The following NT5C2 variants were observed in gnomAD, a reference collection of about 807,000 sequenced individuals.
NT5C2 encodes the protein cytosolic purine 5'-nucleotidase.
NT5C2 carries 58 observed loss-of-function variants against 76.1 expected under a neutral mutation model. That is an observed-to-expected ratio of 0.76 (90% CI 0.62 to 0.95). The LOEUF is 0.95. Ranked by LOEUF, NT5C2 falls within the 40% of genes least tolerant of loss-of-function variation. NT5C2 has a pLI of 0.00. For synonymous variants in NT5C2, 229 were observed against 237.4 expected, an observed-to-expected ratio of 0.96 and a Z score of 0.32; for missense variants, 478 against 690.3, an observed-to-expected ratio of 0.69 and a Z score of 3.45.
chr10:103,140,208 C>A (rs540255676), intron 3 of NT5C2: 1 of 152,138 alleles, frequency 6.6e-6, no homozygotes, highest in Admixed American at 6.6e-5. Flanking sequence ...CATGATCCAC[C>A]GCGCCTGGCC....
intron 3 of NT5C2, among the ~76,000 whole-genome samples, chr10:103,165,533 C>T (rs1044085455): frequency 9.3e-5 from 14 of 150,534 alleles, no homozygotes; most frequent in Non-Finnish European, 1.8e-4. Flanking sequence ...GCCTCAGCCT[C>T]CCTAGTGTCT....
Position 103,089,715 on chromosome 10 carries a change from T to A in NT5C2, c.1643A>T (p.His548Leu). 6.2e-7 allele frequency: 1 copy of A among 1,613,238 alleles called. No homozygotes were observed. The highest frequency in any genetic ancestry group is 2.2e-5 in the East Asian group (1 of 44,872). ...PLAPQEITHCHDEDDDEEEEE... is the reference protein window; with the variant it reads ...PLAPQEITHCLDEDDDEEEEE... Reference sequence around the variant, plus strand: ...CTCCTCTTCATCATCATCTTCGTCATGGCAGTGTGTAATTTCCTGGGGGGC... The same window carrying A: ...CTCCTCTTCATCATCATCTTCGTCAAGGCAGTGTGTAATTTCCTGGGGGGC... Residue 548 changes from histidine (H) to leucine (L), a missense_variant, in exon 19 of 19, where the codon CAT (histidine) becomes CTT (leucine). Coordinates refer to ENST00000404739, the MANE Select transcript of NT5C2 (RefSeq NM_001351169.2).
intron 3 of NT5C2, among the ~76,000 whole-genome samples, chr10:103,149,209 G>A (rs1240922878): frequency 6.6e-6 from 1 of 152,044 alleles, no homozygotes; most frequent in East Asian, 1.9e-4. Flanking sequence ...AATTCTAGGT[G>A]GTATATTGCC....
chr10:103,156,242 G>A (rs534440882), intron 3 of NT5C2, among the ~76,000 whole-genome samples: 22 of 152,250 alleles, frequency 1.4e-4, no homozygotes, highest in Non-Finnish European at 2.4e-4. Flanking sequence ...CTAGGACAGC[G>A]ATAACAAGGG....
intron 7 of NT5C2, 57 bp downstream of exon 7, chr10:103,101,178 A>G (rs548908167): frequency 6.5e-5 from 91 of 1,409,564 alleles, no homozygotes; most frequent in Non-Finnish European, 8.7e-5. Context: ...CCTTGAATAC[A>G]GACTAATGGT....
chr10:103,094,117 A>ACCCCCCCCCCCCCCCC, intron 13 of NT5C2, 79 bp from the exon 14 acceptor site: 1 of 569,774 alleles, frequency 1.8e-6, no homozygotes, highest in Non-Finnish European at 2.5e-6. Flanking sequence ...CTCCCATCCC[A>ACCCCCCCCCCCCCCCC]CCCCCCACCA....
At chr10:103,127,800 C>A (rs1054173673) in intron 4 of NT5C2, among the ~76,000 whole-genome samples, 3 of 152,142 alleles carry the variant, frequency 2.0e-5, no homozygotes, top group Non-Finnish European at 4.4e-5. Context: ...TTGTGATCCG[C>A]CCGCCTCGGC....
chr10:103,192,723 T>C (rs1376905306), intron 1 of NT5C2, among the ~76,000 whole-genome samples: 2 of 152,272 alleles, frequency 1.3e-5, no homozygotes, highest in East Asian at 3.9e-4. Context: ...CCTTGGCTTC[T>C]CGGGAGGCGA....
At chr10:103,119,475 G>A (rs1200654612) in intron 4 of NT5C2, among the ~76,000 whole-genome samples, 1 of 152,178 alleles carries the variant, frequency 6.6e-6, no homozygotes, top group Non-Finnish European at 1.5e-5. Context: ...GAAGCCAGTG[G>A]GATGAGGTAA....
intron 3 of NT5C2, among the ~76,000 whole-genome samples, chr10:103,155,967 C>G (rs930642284): frequency 6.6e-6 from 1 of 151,966 alleles, no homozygotes; most frequent in Non-Finnish European, 1.5e-5. Context: ...AGTTTTAGAC[C>G]AGCATGGGCA....
chr10:103,128,106 C>T (rs1044219434), intron 4 of NT5C2, among the ~76,000 whole-genome samples: 87 of 144,016 alleles, frequency 6.0e-4, no homozygotes, highest in African/African-American at 1.7e-3. Context: ...CCTCTCCCCA[C>T]GGTCTCCCTC....
At chr10:103,101,626 C>T (rs1449364250) in intron 6 of NT5C2, among the ~76,000 whole-genome samples, 1 of 151,562 alleles carries the variant, frequency 6.6e-6, no homozygotes, top group Admixed American at 6.6e-5. Flanking sequence ...GCTGGGATTA[C>T]AGGTGTGATG....
chr10:103,129,248 A>G (rs1184873112), intron 4 of NT5C2, among the ~76,000 whole-genome samples: 35 of 69,104 alleles, frequency 5.1e-4, no homozygotes, highest in African/African-American at 6.6e-4. Flanking sequence ...CGGGAGGGAG[A>G]TGGGGGGGTC....
At chr10:103,145,772 G>A (rs7912517) in intron 3 of NT5C2, among the ~76,000 whole-genome samples, 47,184 of 151,888 alleles carry the variant, frequency 0.31, 7,456 homozygotes, top group Middle Eastern at 0.37. Flanking sequence ...ACTCTAAAAC[G>A]AAGCACAGAC....
chr10:103,091,925 G>A (rs763242823), intron 15 of NT5C2, among the ~76,000 whole-genome samples: 76 of 152,198 alleles, frequency 5.0e-4, no homozygotes, highest in Non-Finnish European at 9.4e-4. Context: ...TTTACATGCT[G>A]TCTCAGGTGC....
chr10:103,118,611 C>T (rs1243121978), intron 4 of NT5C2, among the ~76,000 whole-genome samples: 2 of 152,076 alleles, frequency 1.3e-5, no homozygotes, highest in African/African-American at 4.8e-5. Flanking sequence ...GCCTCGGCCT[C>T]CCAAAGTGCT....
intron 3 of NT5C2, among the ~76,000 whole-genome samples, chr10:103,172,656 C>G (rs1453410455): frequency 6.6e-6 from 1 of 151,898 alleles, no homozygotes; most frequent in Admixed American, 6.6e-5. Flanking sequence ...GCCAACATGG[C>G]GAAACTCCAT....
In NT5C2 at chr10:103,146,440, TG is replaced by T. The variant is rs546565023; in HGVS notation, c.102-6962del. Reference sequence around the variant, plus strand: ...TGGGCATCTGTTTTCCTTATGGGCTTGCATAATTACACATTGAAAATTTGCT... The same window carrying T: ...TGGGCATCTGTTTTCCTTATGGGCTTCATAATTACACATTGAAAATTTGCT... On this transcript the variant is annotated intron_variant, in intron 3 of 18. Transcript: ENST00000404739. The T allele has an allele frequency of 2.9e-4, 286 of 985,402 alleles. 2 individuals are homozygous for T. Among genetic ancestry groups the T allele is most frequent in the Middle Eastern group, 5.2e-4 (1 of 1,914 alleles). The allele number at this position is 985,402 out of a possible 1,614,324, so 61.0% of individuals were successfully genotyped here.
chr10:103,186,863 A>C (rs910868020), intron 1 of NT5C2, among the ~76,000 whole-genome samples: 4 of 150,762 alleles, frequency 2.7e-5, no homozygotes, highest in Non-Finnish European at 5.9e-5. Context: ...CAGTGAGCTG[A>C]CATGGAGCCA....
Sources: gnomAD v4.1 joint callset for allele counts (sites outside exome capture counted in the v4.1 genomes callset) on GRCh38, gnomAD v4.1.1 for gene constraint, MANE v1.5 for transcripts, NCBI Gene and HGNC (gene_info 2026-07-23, HGNC 2026-07-21) for gene names.